Variants in FNDC3B observed in about 807,000 individuals in gnomAD.
FNDC3B encodes fibronectin type III domain-containing protein 3B.
In FNDC3B, 12 loss-of-function variants were observed where a neutral mutation model predicts 151.5. The observed-to-expected ratio is 0.08, with a 90% CI of 0.05 to 0.13. The LOEUF (loss-of-function observed/expected upper bound fraction) is 0.13. FNDC3B is among the 10% of genes least tolerant of loss of function. The probability of loss-of-function intolerance (pLI) is 1.00; values close to 1 mark genes in which losing one functional copy is unlikely to be tolerated. For missense variants in FNDC3B, 1,214 were observed against 1,505.3 expected, an observed-to-expected ratio of 0.81 and a Z score of 3.20; for synonymous variants, 528 against 549.0, an observed-to-expected ratio of 0.96 and a Z score of 0.54.
intron 1 of FNDC3B, among the ~76,000 whole-genome samples, chr3:172,047,307 A>G (rs903265564): frequency 2.6e-5 from 4 of 152,238 alleles, no homozygotes; most frequent in African/African-American, 7.2e-5. Context: ...CCCATAGCCT[A>G]TGAAAGAGGG....
chr3:172,361,206 C>T (rs78383470), intron 22 of FNDC3B, among the ~76,000 whole-genome samples: 1 of 152,238 alleles, frequency 6.6e-6, no homozygotes, highest in African/African-American at 2.4e-5. Flanking sequence ...GCTAATCTCT[C>T]TAGCAAGTGG....
chr3:172,249,721 A>G (rs1005091927), intron 5 of FNDC3B, among the ~76,000 whole-genome samples: 2 of 152,228 alleles, frequency 1.3e-5, no homozygotes, highest in Admixed American at 1.3e-4. Context: ...TTCTTTGGAT[A>G]CACACTCTCT....
At chr3:172,049,325 A>G (rs771257022) in intron 1 of FNDC3B, among the ~76,000 whole-genome samples, 2 of 152,100 alleles carry the variant, frequency 1.3e-5, no homozygotes, top group Non-Finnish European at 2.9e-5. Flanking sequence ...ACTTAAATTT[A>G]AGAGGAAAAT....
At chr3:172,065,699 G>A (rs998478264) in intron 1 of FNDC3B, among the ~76,000 whole-genome samples, 1 of 152,212 alleles carries the variant, frequency 6.6e-6, no homozygotes, top group African/African-American at 2.4e-5. Context: ...GAATTACAAA[G>A]TTTTGGCCTC....
intron 22 of FNDC3B, 80 bp downstream of exon 22, chr3:172,353,163 A>T: frequency 7.5e-7 from 1 of 1,327,354 alleles, no homozygotes; most frequent in Non-Finnish European, 1.0e-6. Flanking sequence ...AAAATGACCA[A>T]GTGGATGTCA....
chr3:172,346,382 A>G lies in FNDC3B; in HGVS notation c.2306A>G (p.Gln769Arg), dbSNP rs756982308. 1.9e-6 allele frequency: 3 copies of G among 1,613,842 alleles called. No individual in the cohort carries two copies. The South Asian group carries it at 3.3e-5, about 18-fold the overall frequency. Residue 769 changes from glutamine (Q) to arginine (R), a missense_variant, in exon 20 of 26, where the codon CAA (glutamine) becomes CGA (arginine). By Grantham distance (43) the Gln-to-Arg change is conservative. Transcript: ENST00000415807. ...ACCACTGCTGCAGGGCCTCCTGGAC[A>G]ATGCAAAGCACCTTGTATTTCTTGT... ...EITTAAGPPG[Q>R]CKAPCISCTP... is the part of the protein sequence containing the mutation.
intron 16 of FNDC3B, among the ~76,000 whole-genome samples, chr3:172,338,848 C>T (rs550751164): frequency 1.1e-4 from 17 of 152,200 alleles, no homozygotes; most frequent in South Asian, 8.3e-4. Flanking sequence ...GCCATTCTCC[C>T]GCCTCAGCCT....
intron 3 of FNDC3B, among the ~76,000 whole-genome samples, chr3:172,145,811 C>CTTTTT (rs34361134): frequency 8.8e-6 from 1 of 114,174 alleles, no homozygotes; most frequent in Non-Finnish European, 1.8e-5. Context: ...AGGTTTCTTT[C>CTTTTT]TTTTTTTTTT....
At chr3:172,390,059 CT>C (rs1259696265) in intron 25 of FNDC3B, among the ~76,000 whole-genome samples, 1 of 152,156 alleles carries the variant, frequency 6.6e-6, no homozygotes, top group African/African-American at 2.4e-5. Context: ...AATATCTACT[CT>C]TTGAGTATTT....
intron 8 of FNDC3B, among the ~76,000 whole-genome samples, chr3:172,297,620 GC>G (rs1301706133): frequency 2.0e-5 from 3 of 152,254 alleles, no homozygotes; most frequent in South Asian, 2.1e-4. Flanking sequence ...GATTACAGGT[GC>G]CCGCCACCAC....
At chr3:172,183,222 A>G (rs1339714903) in intron 3 of FNDC3B, among the ~76,000 whole-genome samples, 4 of 152,242 alleles carry the variant, frequency 2.6e-5, no homozygotes, top group Admixed American at 1.3e-4. Flanking sequence ...ACAATTGGTT[A>G]TAAAAATTTT....
At chr3:172,088,258 T>C (rs1718649714) in intron 1 of FNDC3B, among the ~76,000 whole-genome samples, 1 of 152,220 alleles carries the variant, frequency 6.6e-6, no homozygotes, top group Non-Finnish European at 1.5e-5. Flanking sequence ...GCTGTACTGG[T>C]ACCACAGAAG....
At chr3:172,152,098 A>G (rs1362579490) in intron 3 of FNDC3B, among the ~76,000 whole-genome samples, 2 of 152,206 alleles carry the variant, frequency 1.3e-5, no homozygotes, top group Non-Finnish European at 2.9e-5. Flanking sequence ...ATGACTGGAA[A>G]TAAAAAGGAA....
At chr3:172,221,974 CT>C (rs1726298413) in intron 3 of FNDC3B, among the ~76,000 whole-genome samples, 1 of 152,202 alleles carries the variant, frequency 6.6e-6, no homozygotes, top group Non-Finnish European at 1.5e-5. Context: ...TGTTCCTCAG[CT>C]ATTTAAAAAG....
intron 10 of FNDC3B, among the ~76,000 whole-genome samples, chr3:172,310,565 A>G (rs1731421782): frequency 6.6e-6 from 1 of 152,190 alleles, no homozygotes; most frequent in South Asian, 2.1e-4. Flanking sequence ...GAGGGTGTAA[A>G]AAGGGAGAGG....
intron 1 of FNDC3B, among the ~76,000 whole-genome samples, chr3:172,064,470 T>C (rs1717388691): frequency 6.6e-6 from 1 of 152,380 alleles, no homozygotes; most frequent in Non-Finnish European, 1.5e-5. Context: ...TTACTCATCT[T>C]TTATTCATCT....
chr3:172,242,183 C>CA (rs769587612), intron 4 of FNDC3B, among the ~76,000 whole-genome samples: 2 of 152,214 alleles, frequency 1.3e-5, no homozygotes, highest in Non-Finnish European at 1.5e-5. Flanking sequence ...TGTGGCTTTG[C>CA]AGGGTACAGC....
chr3:172,075,211 A>G (rs1387893219), intron 1 of FNDC3B, among the ~76,000 whole-genome samples: 1 of 152,164 alleles, frequency 6.6e-6, no homozygotes, highest in Non-Finnish European at 1.5e-5. Flanking sequence ...GTAGTTTTAT[A>G]TCAAAGAATT....
intron 6 of FNDC3B, among the ~76,000 whole-genome samples, chr3:172,266,941 T>A (rs997246943): frequency 6.6e-5 from 10 of 152,164 alleles, no homozygotes; most frequent in Non-Finnish European, 1.3e-4. Context: ...GCCAGCCCAT[T>A]TGGCTGCATC....
Sources: allele counts gnomAD v4.1 joint callset (sites outside exome capture counted in the v4.1 genomes callset), GRCh38; gene constraint gnomAD v4.1.1; transcripts MANE v1.5; gene names NCBI Gene and HGNC (gene_info 2026-07-23, HGNC 2026-07-21).